Variants in CRTC3 observed in about 807,000 individuals in gnomAD.
CRTC3 encodes CREB-regulated transcription coactivator 3.
In CRTC3, 26 loss-of-function variants were observed where a neutral mutation model predicts 74.5. That is an observed-to-expected ratio of 0.35 (90% CI 0.26 to 0.48). CRTC3 has a LOEUF of 0.48. Ranked by LOEUF, CRTC3 falls within the 20% of genes least tolerant of loss-of-function variation. The pLI is 0.99. For missense variants in CRTC3, 760 were observed against 787.3 expected, an observed-to-expected ratio of 0.97 and a Z score of 0.41; for synonymous variants, 377 against 325.8, an observed-to-expected ratio of 1.16 and a Z score of -1.69.
chr15:90,625,681 T>C (rs1968808120), intron 9 of CRTC3, 95 bp from the exon 10 acceptor site: 1 of 1,129,562 alleles, frequency 8.9e-7, no homozygotes, highest in Non-Finnish European at 1.3e-6. Flanking sequence ...TTGTAGCCAC[T>C]GCTCTTATTT....
chr15:90,563,857 T>G (rs1212666298), intron 2 of CRTC3, among the ~76,000 whole-genome samples: 1 of 152,220 alleles, frequency 6.6e-6, no homozygotes, highest in Non-Finnish European at 1.5e-5. Context: ...GAAAAAATAA[T>G]TTCCTTCTTT....
In CRTC3 at chr15:90,643,183, G is replaced by A. The variant is rs541823136; in HGVS notation, c.*1043G>A. ...GTGCGTGGCAGCACAGTCGTGTGCT[G>A]GAGTGAGTGCTGCAGAACCGTGCGT... On this transcript the variant is annotated 3_prime_UTR_variant, in exon 15 of 15. Coordinates refer to ENST00000268184, the MANE Select transcript of CRTC3 (RefSeq NM_022769.5). The A allele has an allele frequency of 3.4e-3, 801 of 232,636 alleles. 5 individuals carry two copies. The highest frequency in any genetic ancestry group is 0.016 in the African/African-American group (739 of 45,426). The allele number at this position is 232,636 out of a possible 1,614,324, so 14.4% of individuals were successfully genotyped here.
intron 10 of CRTC3, among the ~76,000 whole-genome samples, chr15:90,627,564 C>A (rs578122085): frequency 6.6e-6 from 1 of 151,734 alleles, no homozygotes; most frequent in African/African-American, 2.4e-5. Context: ...GTTGTCTTCT[C>A]AAAAAAGCAC....
At chr15:90,632,567 A>G (rs532481595) in intron 11 of CRTC3, among the ~76,000 whole-genome samples, 1 of 152,264 alleles carries the variant, frequency 6.6e-6, no homozygotes, top group East Asian at 1.9e-4. Flanking sequence ...CTGCCTAGAG[A>G]TGGCTGTCAA....
At chr15:90,568,037 G>A (rs1221600954) in intron 2 of CRTC3, among the ~76,000 whole-genome samples, 1 of 152,228 alleles carries the variant, frequency 6.6e-6, no homozygotes, top group Admixed American at 6.5e-5. Context: ...ATGAGCAAGA[G>A]TTTAGATGAA....
intron 2 of CRTC3, among the ~76,000 whole-genome samples, chr15:90,549,914 C>T (rs1216365628): frequency 3.3e-5 from 5 of 150,318 alleles, no homozygotes; most frequent in South Asian, 4.2e-4. Flanking sequence ...ATGTTGGTCA[C>T]GCCAGTCTTA....
At chr15:90,641,562 T>C (rs917369815) in intron 14 of CRTC3, among the ~76,000 whole-genome samples, 12 of 151,866 alleles carry the variant, frequency 7.9e-5, no homozygotes, top group Non-Finnish European at 1.8e-4. Context: ...TAGCTGGGCA[T>C]GGCGGCGGGC....
intron 5 of CRTC3, chr15:90,606,678 G>A (rs1212365606): frequency 6.6e-6 from 1 of 152,070 alleles, no homozygotes; most frequent in East Asian, 1.9e-4. Flanking sequence ...AAAGATACTA[G>A]TGAATTAAAA....
intron 2 of CRTC3, among the ~76,000 whole-genome samples, chr15:90,592,109 A>C (rs1967814048): frequency 6.6e-6 from 1 of 152,226 alleles, no homozygotes; most frequent in Non-Finnish European, 1.5e-5. Context: ...TCAAAACCAA[A>C]ATGAGAAAAT....
intron 2 of CRTC3, among the ~76,000 whole-genome samples, chr15:90,543,454 G>A (rs951028213): frequency 6.6e-6 from 1 of 151,668 alleles, no homozygotes; most frequent in Non-Finnish European, 1.5e-5. Context: ...TTATCTCTCG[G>A]TATATGGTTT....
chr15:90,576,214 G>A (rs996643677), intron 2 of CRTC3, among the ~76,000 whole-genome samples: 4 of 151,890 alleles, frequency 2.6e-5, no homozygotes, highest in Admixed American at 6.6e-5. Flanking sequence ...GGCCAGCCTA[G>A]GCAACACAAT....
At chr15:90,604,620 C>T (rs953269655) in intron 5 of CRTC3, among the ~76,000 whole-genome samples, 173 bp downstream of exon 5, 3 of 152,122 alleles carry the variant, frequency 2.0e-5, no homozygotes, top group Admixed American at 6.5e-5. Flanking sequence ...ATAGAGCACA[C>T]GAGGTCTGGG....
chr15:90,598,551 A>T, intron 3 of CRTC3: 2 of 701,650 alleles, frequency 2.9e-6, no homozygotes, highest in Non-Finnish European at 5.2e-6. Context: ...GAGAGAGAAC[A>T]CACTGGGATG....
Position 90,603,371 on chromosome 15 carries a change from A to G in CRTC3, c.413+986A>G, listed in dbSNP as rs1968134408. ...GGCAGGAGAATGGCGTGAACCCAGG[A>G]GGCGGAGCTTGCAGTGAGCCGAGAT... On this transcript the variant is annotated intron_variant, in intron 4 of 14. Coordinates refer to ENST00000268184, the MANE Select transcript of CRTC3 (RefSeq NM_022769.5). 2.0e-5 allele frequency among the ~76,000 whole-genome samples: 3 copies of G among 151,688 alleles called. No homozygotes were observed. The South Asian group carries it at 6.3e-4, about 32-fold the overall frequency.
intron 2 of CRTC3, among the ~76,000 whole-genome samples, chr15:90,572,252 G>A (rs1262911559): frequency 2.6e-5 from 4 of 151,362 alleles, no homozygotes; most frequent in African/African-American, 9.7e-5. Flanking sequence ...TCTAATGACA[G>A]CAGCACAGCC....
chr15:90,633,952 CTTATTCCACAGATGCAATATCATCT>C (rs918573570), intron 11 of CRTC3, among the ~76,000 whole-genome samples: 2 of 151,700 alleles, frequency 1.3e-5, no homozygotes, highest in Non-Finnish European at 2.9e-5. Flanking sequence ...TAGCATCATA[CTTATTCCACAGATGCAATATCATCT>C]TTTATCTCTC....
chr15:90,563,044 C>T (rs933864850), intron 2 of CRTC3, among the ~76,000 whole-genome samples: 4 of 152,264 alleles, frequency 2.6e-5, no homozygotes, highest in East Asian at 1.9e-4. Context: ...TCTACCAGTC[C>T]GTGCCTGCTT....
intron 5 of CRTC3, among the ~76,000 whole-genome samples, chr15:90,606,315 A>C (rs759940122): frequency 6.6e-6 from 1 of 151,946 alleles, no homozygotes; most frequent in Non-Finnish European, 1.5e-5. Flanking sequence ...TAATCCCAGC[A>C]CTTTGGGAGG....
intron 3 of CRTC3, chr15:90,596,043 G>A (rs1439296878): frequency 3.3e-5 from 5 of 152,318 alleles, no homozygotes; most frequent in Non-Finnish European, 7.3e-5. Flanking sequence ...GCATCCTGGG[G>A]GAACATCTGA....
Sources: allele counts gnomAD v4.1 joint callset (sites outside exome capture counted in the v4.1 genomes callset), GRCh38; gene constraint gnomAD v4.1.1; transcripts MANE v1.5; gene names NCBI Gene and HGNC (gene_info 2026-07-23, HGNC 2026-07-21).